The following PHEX variants were observed in gnomAD, a reference collection of about 807,000 sequenced individuals.
PHEX encodes the protein phosphate-regulating neutral endopeptidase PHEX.
PHEX carries 16 observed loss-of-function variants against 68.0 expected under a neutral mutation model. The ratio of observed to expected loss-of-function variants is 0.24; its 90% confidence interval spans 0.16 to 0.36. PHEX has a LOEUF of 0.36. PHEX is among the 10% of genes least tolerant of loss of function. PHEX has a pLI of 1.00. For synonymous variants in PHEX, 208 were observed against 205.1 expected, an observed-to-expected ratio of 1.01 and a Z score of -0.12; for missense variants, 480 against 575.5, an observed-to-expected ratio of 0.83 and a Z score of 1.70.
At chrX:22,101,939 G>C (rs926702286) in intron 9 of PHEX, among the ~76,000 whole-genome samples, 1 of 111,176 alleles carries the variant, frequency 9.0e-6, no homozygotes, top group Non-Finnish European at 1.9e-5. Context: ...GCACCTCATG[G>C]CAGGCACTCT....
intron 9 of PHEX, 121 bp from the exon 10 acceptor site, chrX:22,111,346 A>T: frequency 1.6e-6 from 1 of 607,228 alleles, no homozygotes; most frequent in Non-Finnish European, 2.8e-6. Flanking sequence ...AAAGTTCTGC[A>T]TTTTTGTATG....
At chrX:22,131,289 C>T (rs763485144) in intron 11 of PHEX, among the ~76,000 whole-genome samples, 118 of 111,830 alleles carry the variant, frequency 1.1e-3, no homozygotes, top group Non-Finnish European at 7.5e-4. Flanking sequence ...AATCTGCCCG[C>T]CTCAGCCTCC....
chrX:22,116,499 C>T (rs561230732), intron 11 of PHEX, among the ~76,000 whole-genome samples: 1 of 111,378 alleles, frequency 9.0e-6, no homozygotes. Context: ...TCAATAAACA[C>T]TGAATTAAAG....
intron 12 of PHEX, among the ~76,000 whole-genome samples, chrX:22,156,077 G>C (rs1391290084): frequency 8.9e-6 from 1 of 112,020 alleles, no homozygotes; most frequent in African/African-American, 3.2e-5. Context: ...AACTATAAAA[G>C]ATGGATTAAC....
intron 20 of PHEX, among the ~76,000 whole-genome samples, chrX:22,242,657 A>G (rs1345734158): frequency 1.8e-5 from 2 of 111,914 alleles, no homozygotes; most frequent in Non-Finnish European, 3.8e-5. Flanking sequence ...GAGCCAAATC[A>G]TGAGTCAACT....
intron 16 of PHEX, 119 bp downstream of exon 16, chrX:22,213,077 C>G: frequency 1.7e-6 from 1 of 597,756 alleles, no homozygotes. Context: ...TGGAATCTGG[C>G]GTGGGTCGCC....
At chrX:22,123,654 G>A (rs150247641) in intron 11 of PHEX, among the ~76,000 whole-genome samples, 2,487 of 109,631 alleles carry the variant, frequency 0.023, 63 homozygotes, top group African/African-American at 0.075. Context: ...TTTTGCTGTC[G>A]CTACTCCTCC....
intron 12 of PHEX, among the ~76,000 whole-genome samples, chrX:22,156,349 G>A (rs1414449931): frequency 4.6e-5 from 5 of 109,771 alleles, no homozygotes; most frequent in South Asian, 3.9e-4. Flanking sequence ...ATTTTCCCCC[G>A]GTGCAAGAAG....
chrX:22,154,070 A>C (rs1932901706), intron 12 of PHEX, among the ~76,000 whole-genome samples: 2 of 111,635 alleles, frequency 1.8e-5, no homozygotes, highest in Non-Finnish European at 1.9e-5. Context: ...AATTGGGTTG[A>C]ATTGCAAGTA....
intron 15 of PHEX, among the ~76,000 whole-genome samples, chrX:22,201,537 AGGTCCTGATACAGAC>A (rs1934557494): frequency 9.1e-6 from 1 of 110,270 alleles, no homozygotes; most frequent in African/African-American, 3.3e-5. Context: ...AGGAATTTGG[AGGTCCTGATACAGAC>A]CCCCAGTTTC....
intron 15 of PHEX, among the ~76,000 whole-genome samples, chrX:22,192,548 C>A (rs1307412824): frequency 1.8e-5 from 2 of 111,844 alleles, no homozygotes; most frequent in South Asian, 3.8e-4. Context: ...CTACTCTCCC[C>A]CTTCCTCCCT....
chrX:22,179,296 T>A (rs1040363945), intron 14 of PHEX, among the ~76,000 whole-genome samples: 4 of 111,545 alleles, frequency 3.6e-5, no homozygotes, highest in Admixed American at 1.9e-4. Context: ...TTTCTTTTTT[T>A]AATTTAATTG....
At chrX:22,149,216 T>C (rs1276047490) in intron 12 of PHEX, among the ~76,000 whole-genome samples, 1 of 111,699 alleles carries the variant, frequency 9.0e-6, no homozygotes, top group Non-Finnish European at 1.9e-5. Context: ...TGGTATATTC[T>C]GGTATTCTCT....
At chrX:22,223,594 A>T (rs1283591078) in intron 18 of PHEX, among the ~76,000 whole-genome samples, 1 of 111,510 alleles carries the variant, frequency 9.0e-6, no homozygotes, top group Non-Finnish European at 1.9e-5. Flanking sequence ...AAAATTTTTT[A>T]AAAAATTAGC....
intron 12 of PHEX, among the ~76,000 whole-genome samples, chrX:22,165,824 C>T (rs761660939): frequency 1.2e-4 from 13 of 111,821 alleles, no homozygotes; most frequent in East Asian, 2.8e-4. Flanking sequence ...CAAGGGTTGA[C>T]GAACTTTTTC....
At chrX:22,120,618 G>A (rs768974231) in intron 11 of PHEX, among the ~76,000 whole-genome samples, 40 of 111,192 alleles carry the variant, frequency 3.6e-4, no homozygotes, top group Admixed American at 3.3e-3. Context: ...GGAGAAAGAC[G>A]GAAATGATAA....
In PHEX at chrX:22,077,520, C is replaced by T. The variant is rs765714025; in HGVS notation, c.481C>T (p.Arg161Trp). ...ADAKPLLHIL[R>W]HSPFRWPVLE... ...TGCCAAGCCACTGCTACACATCCTACGGCATTCACCTTTCCGCTGGCCCGT... is the reference window on the plus strand; with the variant it reads ...TGCCAAGCCACTGCTACACATCCTATGGCATTCACCTTTCCGCTGGCCCGT... The change falls in exon 5 of 22, where the codon CGG becomes TGG. Residue 161 changes from arginine to tryptophan, a missense_variant. Transcript: ENST00000379374. 17 of 1,210,030 alleles carry T rather than the reference C, an allele frequency of 1.4e-5. No individual in the cohort carries two copies. The highest frequency in any genetic ancestry group is 4.4e-5 in the Admixed American group (2 of 45,784).
intron 12 of PHEX, among the ~76,000 whole-genome samples, chrX:22,138,801 C>T (rs763780096): frequency 8.9e-6 from 1 of 112,277 alleles, no homozygotes; most frequent in East Asian, 2.8e-4. Context: ...AGTCACCCTG[C>T]GTCTGGCATC....
intron 20 of PHEX, among the ~76,000 whole-genome samples, chrX:22,231,424 T>TATCA (rs1303577680): frequency 1.8e-5 from 2 of 112,031 alleles, no homozygotes; most frequent in African/African-American, 3.3e-5. Context: ...GTTGGTAGGC[T>TATCA]ATCAATTGCT....
Sources: allele counts gnomAD v4.1 joint callset (sites outside exome capture counted in the v4.1 genomes callset), GRCh38; gene constraint gnomAD v4.1.1; transcripts MANE v1.5; gene names NCBI Gene and HGNC (gene_info 2026-07-23, HGNC 2026-07-21).